NIPAL2: variants seen among roughly 807,000 people sequenced by gnomAD.
NIPAL2 encodes NIPA-like protein 2.
Under a neutral mutation model 48.9 loss-of-function variants are expected in NIPAL2, and 43 were observed. That is an observed-to-expected ratio of 0.88 (90% CI 0.69 to 1.13). The LOEUF is 1.13. Ranked by LOEUF, NIPAL2 falls within the 50% of genes most tolerant of loss-of-function variation. The pLI is 0.00. For synonymous variants in NIPAL2, 167 were observed against 174.6 expected (o/e 0.96, Z 0.34); for missense variants, 446 against 461.4 (o/e 0.97, Z 0.31).
chr8:98,214,454 G>A (rs1260081636), intron 5 of NIPAL2, among the ~76,000 whole-genome samples: 12 of 152,128 alleles, frequency 7.9e-5, no homozygotes, highest in African/African-American at 2.4e-4. Flanking sequence ...ATGAGCCACC[G>A]CACCCGGCCC....
At chr8:98,195,288 G>A (rs908385665) in intron 9 of NIPAL2, among the ~76,000 whole-genome samples, 8 of 152,026 alleles carry the variant, frequency 5.3e-5, no homozygotes, top group South Asian at 2.1e-4. Context: ...TTCCTACACC[G>A]AAAATAGCCT....
chr8:98,215,463 C>T (rs1221296214), intron 5 of NIPAL2, among the ~76,000 whole-genome samples: 1 of 152,212 alleles, frequency 6.6e-6, no homozygotes, highest in East Asian at 1.9e-4. Flanking sequence ...TGATTGCAAT[C>T]TCACAGGTTA....
At chr8:98,260,403 G>A (rs969816930) in intron 1 of NIPAL2, among the ~76,000 whole-genome samples, 6 of 152,356 alleles carry the variant, frequency 3.9e-5, no homozygotes, top group South Asian at 2.1e-4. Context: ...GACAGTGGGC[G>A]CAGCTCAGTG....
intron 3 of NIPAL2, 148 bp downstream of exon 3, chr8:98,252,315 A>C (rs1813632325): frequency 1.3e-6 from 1 of 765,610 alleles, no homozygotes; most frequent in Admixed American, 3.4e-5. Flanking sequence ...GGATCGCTGA[A>C]ATTAGCAGAA....
chr8:98,264,293 G>A (rs1814563685), intron 1 of NIPAL2, among the ~76,000 whole-genome samples: 1 of 121,944 alleles, frequency 8.2e-6, no homozygotes, highest in East Asian at 2.5e-4. Context: ...AATTAGGCAG[G>A]AGAAGGAAAT....
chr8:98,225,977 T>A (rs147332956), intron 4 of NIPAL2, among the ~76,000 whole-genome samples: 32 of 152,160 alleles, frequency 2.1e-4, no homozygotes, highest in African/African-American at 5.8e-4. Flanking sequence ...TTCTTCTGCT[T>A]GATCATTTCT....
intron 8 of NIPAL2, among the ~76,000 whole-genome samples, chr8:98,197,357 G>A (rs1329862263): frequency 6.6e-6 from 1 of 152,200 alleles, no homozygotes; most frequent in Non-Finnish European, 1.5e-5. Context: ...GATCATCTGA[G>A]CTTGCAGTGA....
intron 8 of NIPAL2, among the ~76,000 whole-genome samples, chr8:98,201,394 A>AT (rs997770366): frequency 4.6e-5 from 7 of 151,958 alleles, no homozygotes; most frequent in East Asian, 1.9e-4. Context: ...TTTAACTTTT[A>AT]TTTTTTTAGA....
chr8:98,245,858 T>C (rs1813282459), intron 3 of NIPAL2, among the ~76,000 whole-genome samples: 1 of 152,236 alleles, frequency 6.6e-6, no homozygotes. Context: ...ACACATTTTA[T>C]GTAGGCTGGT....
chr8:98,266,173 C>G (rs1245565338), intron 1 of NIPAL2, among the ~76,000 whole-genome samples: 1 of 149,152 alleles, frequency 6.7e-6, no homozygotes, highest in African/African-American at 2.5e-5. Flanking sequence ...GGGAGATATG[C>G]CTAATGCTAG....
At chr8:98,220,914 C>A (rs190862232) in intron 5 of NIPAL2, among the ~76,000 whole-genome samples, 1 of 145,822 alleles carries the variant, frequency 6.9e-6, no homozygotes, top group Admixed American at 6.9e-5. Context: ...CTGCATCAAA[C>A]AAGATAACCC....
At chr8:98,290,615 C>T (rs1478400898) in intron 1 of NIPAL2, among the ~76,000 whole-genome samples, 1 of 152,152 alleles carries the variant, frequency 6.6e-6, no homozygotes, top group Admixed American at 6.5e-5. Flanking sequence ...AGTGACTTGT[C>T]CAAGTATGCT....
rs1810353693 is a variant in NIPAL2, at chr8:98,192,711, G to A, written c.*267C>T. 3 of 438,248 alleles carry A rather than the reference G, an allele frequency of 6.8e-6. No individual in the cohort carries two copies. The highest frequency in any genetic ancestry group is 1.2e-5 in the Non-Finnish European group (3 of 243,556). 27.1% of individuals were successfully genotyped at this position (438,248 alleles called of 1,614,324 possible). On this transcript the variant is annotated 3_prime_UTR_variant, in exon 11 of 11. Transcript: ENST00000430223. ...TGCAACATTCCTGCTAGAGCAGCCGGGCTCTGAGTAAGGTGTAGCTGGCTA... is the reference window on the plus strand; with the variant it reads ...TGCAACATTCCTGCTAGAGCAGCCGAGCTCTGAGTAAGGTGTAGCTGGCTA...
chr8:98,286,539 T>A (rs575438857), intron 1 of NIPAL2, among the ~76,000 whole-genome samples: 67 of 152,288 alleles, frequency 4.4e-4, no homozygotes, highest in African/African-American at 1.5e-3. Flanking sequence ...CTAGGCATGG[T>A]GGCTCATACC....
chr8:98,286,217 T>C (rs1464642559), intron 1 of NIPAL2, among the ~76,000 whole-genome samples: 3 of 152,186 alleles, frequency 2.0e-5, no homozygotes, highest in Non-Finnish European at 4.4e-5. Context: ...TCCAGAACCA[T>C]GAGCCAAATA....
chr8:98,252,279 C>G (rs1048452037), intron 3 of NIPAL2, 184 bp downstream of exon 3: 3 of 570,050 alleles, frequency 5.3e-6, no homozygotes, highest in Admixed American at 7.3e-5. Flanking sequence ...CAAGTTTCTT[C>G]ATGGTTAATG....
chr8:98,193,264 G>A, intron 10 of NIPAL2, 174 bp from the exon 11 acceptor site: 1 of 1,185,120 alleles, frequency 8.4e-7, no homozygotes. Flanking sequence ...CGCCATGTCT[G>A]TAGCTATGTG....
intron 4 of NIPAL2, among the ~76,000 whole-genome samples, chr8:98,229,306 G>A (rs1294445590): frequency 7.9e-5 from 12 of 152,120 alleles, no homozygotes; most frequent in Admixed American, 2.0e-4. Context: ...AGGTAAACAA[G>A]CAAATCCCTG....
chr8:98,269,399 A>G (rs1435863835), intron 1 of NIPAL2, among the ~76,000 whole-genome samples: 1 of 152,170 alleles, frequency 6.6e-6, no homozygotes. Context: ...TGCAGAATGG[A>G]TGTTGTGTTA....
Sources: allele counts gnomAD v4.1 joint callset (sites outside exome capture counted in the v4.1 genomes callset), GRCh38; gene constraint gnomAD v4.1.1; transcripts MANE v1.5; gene names NCBI Gene and HGNC (gene_info 2026-07-23, HGNC 2026-07-21).